The following SMTNL1 variants were observed in gnomAD, a reference collection of about 807,000 sequenced individuals.
SMTNL1 encodes smoothelin like 1.
A neutral mutation model predicts 46.6 loss-of-function variants in SMTNL1; 41 were observed. The observed-to-expected ratio is 0.88, with a 90% CI of 0.69 to 1.14. The LOEUF is 1.14. SMTNL1 is among the 50% of genes most tolerant of loss of function. The pLI, the probability that SMTNL1 is intolerant of heterozygous loss-of-function variation, is 0.00. For synonymous variants in SMTNL1, 234 were observed against 234.2 expected, an observed-to-expected ratio of 1.00 and a Z score of 0.01; for missense variants, 591 against 626.1, an observed-to-expected ratio of 0.94 and a Z score of 0.60.
intron 7 of SMTNL1, among the ~76,000 whole-genome samples, chr11:57,548,947 T>A (rs913074309): frequency 3.3e-5 from 5 of 152,070 alleles, no homozygotes; most frequent in Admixed American, 3.3e-4. Flanking sequence ...AGAGACTGAA[T>A]GAGTGATGCT....
intron 1 of SMTNL1, among the ~76,000 whole-genome samples, chr11:57,542,104 CAAAAA>C (rs57091714): frequency 7.2e-6 from 1 of 138,414 alleles, no homozygotes; most frequent in African/African-American, 2.8e-5. Context: ...CCCATCTCTA[CAAAAA>C]AAAAACACAC....
In SMTNL1 at chr11:57,541,498, CTA is replaced by C. The variant is rs920768653; in HGVS notation, c.-2-1142_-2-1141del. 2.2e-6 allele frequency: 3 copies of C among 1,367,176 alleles called. No individual in the cohort carries two copies. In the African/African-American group the frequency reaches 4.4e-5, roughly 20 times the overall value. The allele number at this position is 1,367,176 out of a possible 1,614,324, so 84.7% of individuals were successfully genotyped here. ...AAACTCCGAGTTAAGATGTCATAATCTACCCCCATGCTCCCGGGGGCAGTTGG... is the reference window on the plus strand; with the variant it reads ...AAACTCCGAGTTAAGATGTCATAATCCCCCCATGCTCCCGGGGGCAGTTGG... On this transcript the variant is annotated intron_variant, in intron 1 of 7. Coordinates refer to ENST00000527972, the MANE Select transcript of SMTNL1 (RefSeq NM_001105565.3).
At chr11:57,547,808 G>A (rs1445044551) in intron 7 of SMTNL1, among the ~76,000 whole-genome samples, 1 of 152,246 alleles carries the variant, frequency 6.6e-6, no homozygotes, top group Non-Finnish European at 1.5e-5. Flanking sequence ...AAATCCTCCA[G>A]TGTGTGTCCT....
intron 7 of SMTNL1, among the ~76,000 whole-genome samples, chr11:57,549,366 C>A (rs1944942367): frequency 1.3e-5 from 2 of 151,914 alleles, no homozygotes; most frequent in Admixed American, 6.6e-5. Context: ...AACAGAAGCT[C>A]CCCGGTTCCA....
At chr11:57,544,838 AT>A (rs766314304) in intron 4 of SMTNL1, among the ~76,000 whole-genome samples, 1,582 of 136,462 alleles carry the variant, frequency 0.012, 19 homozygotes, top group African/African-American at 0.032. Flanking sequence ...TCCTCCCCCC[AT>A]TTTTTTTTTT....
chr11:57,546,138 G>A (rs1944920921), intron 5 of SMTNL1, 95 bp from the exon 6 acceptor site: 12 of 1,506,952 alleles, frequency 8.0e-6, no homozygotes, highest in South Asian at 3.9e-5. Context: ...GCCAAGGCAG[G>A]AGGACTGACA....
chr11:57,542,778 C>T lies in SMTNL1; in HGVS notation c.136C>T (p.Pro46Ser), dbSNP rs756922713. Residue 46 changes from proline to serine, a missense_variant, in exon 2 of 8, where the codon CCT becomes TCT. Transcript: ENST00000527972. ...AGCTGGAAAGGCCATCAATGAGGGG[C>T]CTCCCACTGAGTCAGGAAAGCAGGA... ...GTAGKAINEG[P>S]PTESGKQEKA... 2.5e-6 allele frequency: 4 copies of T among 1,613,916 alleles called. No homozygotes were observed. In the South Asian group the frequency reaches 3.3e-5, roughly 13 times the overall value.
chr11:57,546,033 G>A lies in SMTNL1; in HGVS notation c.1070G>A (p.Gly357Asp). The A allele has an allele frequency of 6.3e-7, 1 of 1,583,596 alleles. No individual in the cohort carries two copies. The highest frequency in any genetic ancestry group is 8.6e-7 in the Non-Finnish European group (1 of 1,165,916). The change falls in exon 5 of 8, where the codon GGC becomes GAC. Residue 357 changes from glycine to aspartate, a missense_variant. Gly to Asp is a moderately conservative substitution (Grantham distance 94). Transcript: ENST00000527972. ...QNRKAIVDKF[G>D]GAASGPTALF... ...CGCAAAGCCATCGTGGACAAGTTTGGCGGGTAGGACACAGGCCAGGGGCTG... is the reference window on the plus strand; with the variant it reads ...CGCAAAGCCATCGTGGACAAGTTTGACGGGTAGGACACAGGCCAGGGGCTG...
intron 1 of SMTNL1, among the ~76,000 whole-genome samples, chr11:57,540,564 CATT>C (rs1164824810): frequency 6.6e-6 from 1 of 152,182 alleles, no homozygotes; most frequent in East Asian, 1.9e-4. Context: ...TGAACCCCAT[CATT>C]GTCAGTTGAA....
intron 7 of SMTNL1, 31 bp downstream of exon 7, chr11:57,546,683 G>A (rs2135266594): frequency 1.2e-6 from 2 of 1,605,836 alleles, no homozygotes; most frequent in Non-Finnish European, 1.7e-6. Flanking sequence ...GGCAGAGCTG[G>A]ATGGGAGCCT....
intron 4 of SMTNL1, among the ~76,000 whole-genome samples, chr11:57,544,899 C>T (rs758230614): frequency 2.7e-5 from 4 of 145,916 alleles, no homozygotes; most frequent in African/African-American, 5.1e-5. Flanking sequence ...TGCAATAGTG[C>T]GATCTCAGGT....
At chr11:57,541,215 C>G (rs546565113) in intron 1 of SMTNL1, among the ~76,000 whole-genome samples, 2 of 152,228 alleles carry the variant, frequency 1.3e-5, no homozygotes, top group African/African-American at 4.8e-5. Context: ...TTCTTGCCTC[C>G]TGTCCTCTGC....
At chr11:57,538,479 G>A (rs999380601) in intron 1 of SMTNL1, among the ~76,000 whole-genome samples, 5 of 152,228 alleles carry the variant, frequency 3.3e-5, no homozygotes, top group Non-Finnish European at 5.9e-5. Context: ...GAAGGTGGGG[G>A]CAGAGAAACT....
At position 57,543,259 on chromosome 11, in the gene SMTNL1, T is replaced by G. The variant is rs765717460; in HGVS notation, c.617T>G (p.Val206Gly). ...GCCAAGGCTGAATCGCAGAAGGCTG[T>G]TGTGGAGGATGAGGCTAAGGCTGAA... ...EEAKAESQKA[V>G]VEDEAKAEPK... The change falls in exon 2 of 8, where the codon GTT becomes GGT. Residue 206 changes from valine to glycine, a missense_variant. Physicochemically the swap from Val to Gly is moderately radical, Grantham distance 109. Transcript: ENST00000527972. 3.1e-6 allele frequency: 5 copies of G among 1,613,518 alleles called. No individual in the cohort carries two copies. The African/African-American group carries it at 6.7e-5, about 22-fold the overall frequency.
intron 1 of SMTNL1, chr11:57,541,602 C>T (rs192245097): frequency 1.9e-4 from 252 of 1,356,134 alleles, no homozygotes; most frequent in Admixed American, 7.5e-4. Context: ...CTTGCCCAGG[C>T]CCACCTTTTC....
intron 1 of SMTNL1, among the ~76,000 whole-genome samples, chr11:57,542,141 C>CA (rs1159084776): frequency 2.0e-5 from 3 of 148,700 alleles, no homozygotes; most frequent in East Asian, 2.0e-4. Flanking sequence ...CACACACACA[C>CA]ACAAAAATTA....
At chr11:57,547,171 C>T (rs993771262) in intron 7 of SMTNL1, among the ~76,000 whole-genome samples, 4 of 152,156 alleles carry the variant, frequency 2.6e-5, no homozygotes, top group Admixed American at 2.0e-4. Flanking sequence ...GAAAGGGAAA[C>T]TTGCAGTCTG....
intron 1 of SMTNL1, among the ~76,000 whole-genome samples, chr11:57,542,358 C>G (rs1944886268): frequency 6.6e-6 from 1 of 152,188 alleles, no homozygotes; most frequent in Admixed American, 6.5e-5. Flanking sequence ...AAAGAGGCAA[C>G]ATGACTGAAA....
chr11:57,538,991 C>T (rs996436863), intron 1 of SMTNL1, among the ~76,000 whole-genome samples: 3 of 151,988 alleles, frequency 2.0e-5, no homozygotes, highest in Non-Finnish European at 4.4e-5. Flanking sequence ...GGTGTGTGTC[C>T]GTGTGCGTGC....
Sources: gnomAD v4.1 joint callset for allele counts (sites outside exome capture counted in the v4.1 genomes callset) on GRCh38, gnomAD v4.1.1 for gene constraint, MANE v1.5 for transcripts, NCBI Gene and HGNC (gene_info 2026-07-23, HGNC 2026-07-21) for gene names.